Variants in SGSM1 observed in about 807,000 individuals in gnomAD.
The protein encoded by SGSM1 is small G protein signaling modulator 1.
A neutral mutation model predicts 133.8 loss-of-function variants in SGSM1; 73 were observed. That is an observed-to-expected ratio of 0.55 (90% CI 0.45 to 0.66). The LOEUF is 0.66. Ranked by LOEUF, SGSM1 falls within the 30% of genes least tolerant of loss-of-function variation. The pLI, the probability that SGSM1 is intolerant of heterozygous loss-of-function variation, is 0.00. For missense variants in SGSM1, 1,213 were observed against 1,448.1 expected (o/e 0.84, Z 2.64); for synonymous variants, 563 against 573.0 (o/e 0.98, Z 0.25).
chr22:24,917,812 G>A (rs866341188), intron 23 of SGSM1, 58 bp downstream of exon 23: 1 of 1,459,330 alleles, frequency 6.9e-7, no homozygotes, highest in Non-Finnish European at 9.5e-7. Context: ...ACTTTCAGGG[G>A]AAAAGATCCC....
intron 8 of SGSM1, among the ~76,000 whole-genome samples, chr22:24,857,196 G>A (rs934295660): frequency 1.3e-5 from 2 of 150,082 alleles, no homozygotes; most frequent in African/African-American, 4.9e-5. Context: ...AAAGTCAAGA[G>A]TCCAAGACCA....
At chr22:24,822,483 A>G (rs1269656621) in intron 2 of SGSM1, among the ~76,000 whole-genome samples, 3 of 152,190 alleles carry the variant, frequency 2.0e-5, no homozygotes, top group Admixed American at 1.3e-4. Context: ...TTGGAATTGC[A>G]TAGTACATAG....
rs56789530 is a variant in SGSM1 at position 24,837,590 on chromosome 22, C to CCCCCG, written c.64-7306_64-7305insCCCGC. Among the ~76,000 whole-genome samples the CCCCCG allele has an allele frequency of 6.4e-4, 88 of 137,042 alleles. 4 individuals carry two copies. The highest frequency in any genetic ancestry group is 2.7e-3 in the African/African-American group (86 of 32,288). 89.9% of individuals were successfully genotyped at this position (137,042 alleles called of 152,430 possible). On this transcript the variant is annotated intron_variant, in intron 2 of 24. Transcript: ENST00000400358. The stretch of plus-strand genomic sequence containing the variant: ...CGGGGAAAGGGAGACCCCCCCCCCC[C>CCCCCG]CTTTCCCAGTCTGCTAAGTAGCGGG...
At chr22:24,902,241 C>T (rs1933192944) in intron 20 of SGSM1, among the ~76,000 whole-genome samples, 1 of 152,212 alleles carries the variant, frequency 6.6e-6, no homozygotes, top group Admixed American at 6.5e-5. Context: ...TGTGGAGGCT[C>T]CAGGAAGAGC....
chr22:24,866,944 G>A, intron 9 of SGSM1, 149 bp from the exon 10 acceptor site: 1 of 706,408 alleles, frequency 1.4e-6, no homozygotes, highest in East Asian at 2.7e-5. Context: ...AAAAAGGGGA[G>A]ATAGAGTCTG....
chr22:24,893,413 T>A lies in SGSM1; in HGVS notation c.1771-18T>A, dbSNP rs1932848300. ...CCCTTTGTTGACACCTCGGGTGACA[T>A]TGCATCTGCCCTGGCAGGTGGACGA... is the stretch of plus-strand genomic sequence containing the variant. On this transcript the variant is annotated intron_variant, in intron 16 of 24. Transcript: ENST00000400358. 1 of 1,612,316 alleles carries A rather than the reference T, an allele frequency of 6.2e-7. No individual in the cohort carries two copies. Among genetic ancestry groups the A allele is most frequent in the African/African-American group, 1.3e-5 (1 of 74,862 alleles).
chr22:24,848,287 G>A (rs1930268704), intron 4 of SGSM1, among the ~76,000 whole-genome samples: 1 of 151,934 alleles, frequency 6.6e-6, no homozygotes, highest in African/African-American at 2.4e-5. Flanking sequence ...GTGCCTGCTA[G>A]GACCCACGGC....
intron 15 of SGSM1, among the ~76,000 whole-genome samples, chr22:24,886,068 A>C (rs1319355753): frequency 1.3e-5 from 2 of 151,982 alleles, no homozygotes; most frequent in African/African-American, 4.8e-5. Context: ...GAAGTTGAGG[A>C]ATATTGGTGA....
intron 2 of SGSM1, among the ~76,000 whole-genome samples, chr22:24,841,001 C>T (rs1485277195): frequency 2.0e-5 from 3 of 152,052 alleles, no homozygotes; most frequent in South Asian, 2.1e-4. Context: ...CAGGCGCCCA[C>T]CACCACGCCC....
At chr22:24,886,767 A>G in intron 16 of SGSM1, 39 bp downstream of exon 16, 1 of 1,554,988 alleles carries the variant, frequency 6.4e-7, no homozygotes, top group Non-Finnish European at 8.7e-7. Flanking sequence ...CTTTGGCAAC[A>G]AAAGGAGCCA....
intron 12 of SGSM1, 87 bp downstream of exon 12, chr22:24,868,942 G>A (rs1250766147): frequency 1.3e-6 from 2 of 1,532,778 alleles, no homozygotes; most frequent in Non-Finnish European, 1.8e-6. Flanking sequence ...GAAGATGACA[G>A]GTCTGGATTC....
intron 5 of SGSM1, among the ~76,000 whole-genome samples, chr22:24,853,906 T>C (rs1006553332): frequency 8.6e-5 from 13 of 151,782 alleles, no homozygotes; most frequent in African/African-American, 2.4e-4. Context: ...TGTGAGCCAC[T>C]GCGCCTGGCC....
At chr22:24,901,999 G>C in intron 20 of SGSM1, 42 bp downstream of exon 20, 1 of 1,437,032 alleles carries the variant, frequency 7.0e-7, no homozygotes, top group Non-Finnish European at 9.3e-7. Context: ...TGGGGATGGT[G>C]GGTGGGTGGG....
At chr22:24,810,602 G>A (rs1927678866) in intron 2 of SGSM1, among the ~76,000 whole-genome samples, 1 of 152,186 alleles carries the variant, frequency 6.6e-6, no homozygotes, top group Non-Finnish European at 1.5e-5. Context: ...TAACTGCCTT[G>A]TTTTCCTGCC....
Position 24,917,736 on chromosome 22 carries a change from C to T in SGSM1, c.3007C>T (p.Leu1003=). The T allele has an allele frequency of 6.2e-7, 1 of 1,613,828 alleles. No homozygotes were observed. ...CTTCTACTTCTGCTACCGCTGGTTC[C>T]TGCTGGATTTCAAGCGAGGTACAGA... ...THFYFCYRWF[L]LDFKRELVYD... The change falls in exon 23 of 25, where the codon CTG becomes TTG. Residue 1003 remains leucine, a synonymous_variant. Coordinates refer to ENST00000400358, the MANE Select transcript of SGSM1 (RefSeq NM_001098497.3).
intron 2 of SGSM1, among the ~76,000 whole-genome samples, chr22:24,836,925 T>C (rs1031022595): frequency 2.6e-5 from 4 of 152,262 alleles, no homozygotes; most frequent in Non-Finnish European, 5.9e-5. Flanking sequence ...TTAACTTTGC[T>C]GTCCAGTTTA....
intron 14 of SGSM1, among the ~76,000 whole-genome samples, chr22:24,881,347 AC>A (rs1261395241): frequency 6.8e-6 from 1 of 146,838 alleles, no homozygotes; most frequent in Non-Finnish European, 1.5e-5. Flanking sequence ...TGGGCGGATC[AC>A]GAGGTCAGGA....
chr22:24,841,072 G>T (rs11090348), intron 2 of SGSM1, among the ~76,000 whole-genome samples: 5 of 151,750 alleles, frequency 3.3e-5, no homozygotes, highest in Admixed American at 6.6e-5. Context: ...AGATGGTCTC[G>T]ATCTCCTGAC....
At chr22:24,855,191 G>A in intron 6 of SGSM1, 94 bp from the exon 7 acceptor site, 1 of 1,550,792 alleles carries the variant, frequency 6.4e-7, no homozygotes, top group Non-Finnish European at 8.7e-7. Flanking sequence ...TAGCTGGCTG[G>A]AGGGGAGGGT....
Sources: allele counts gnomAD v4.1 joint callset (sites outside exome capture counted in the v4.1 genomes callset), GRCh38; gene constraint gnomAD v4.1.1; transcripts MANE v1.5; gene names NCBI Gene and HGNC (gene_info 2026-07-23, HGNC 2026-07-21).